Variants in CCBE1 observed in about 807,000 individuals in gnomAD.
CCBE1 encodes the protein collagen and calcium-binding EGF domain-containing protein 1.
A neutral mutation model predicts 50.0 loss-of-function variants in CCBE1; 37 were observed. That is an observed-to-expected ratio of 0.74 (90% CI 0.57 to 0.97). The LOEUF (loss-of-function observed/expected upper bound fraction) is 0.97. Among genes scored for constraint, CCBE1 ranks in the 50% least tolerant of loss-of-function variants. The pLI, the probability that CCBE1 is intolerant of heterozygous loss-of-function variation, is 0.00. For missense variants in CCBE1, 538 were observed against 523.8 expected, an observed-to-expected ratio of 1.03 and a Z score of -0.26; for synonymous variants, 234 against 203.7, an observed-to-expected ratio of 1.15 and a Z score of -1.27.
chr18:59,450,762 T>G (rs543177689), intron 6 of CCBE1, among the ~76,000 whole-genome samples: 3 of 152,388 alleles, frequency 2.0e-5, no homozygotes, highest in African/African-American at 7.2e-5. Flanking sequence ...CTGTATCTCT[T>G]GACCTCAAGT....
intron 2 of CCBE1, among the ~76,000 whole-genome samples, chr18:59,555,784 C>A (rs116218534): frequency 2.0e-5 from 3 of 152,082 alleles, no homozygotes; most frequent in Non-Finnish European, 4.4e-5. Context: ...CATAAGAATG[C>A]CAACAGCCCT....
intron 2 of CCBE1, among the ~76,000 whole-genome samples, chr18:59,659,149 C>A (rs1399405658): frequency 4.6e-5 from 7 of 152,172 alleles, no homozygotes; most frequent in Non-Finnish European, 8.8e-5. Flanking sequence ...ATAATGACTA[C>A]AAGTACTCTG....
chr18:59,668,342 G>A (rs541583649), intron 2 of CCBE1, among the ~76,000 whole-genome samples: 4 of 151,970 alleles, frequency 2.6e-5, no homozygotes, highest in East Asian at 1.9e-4. Flanking sequence ...CCTGTTACCT[G>A]GGAGGCAGAG....
chr18:59,431,888 T>C lies in CCBE1; in HGVS notation c.*4020A>G, dbSNP rs1909957576. 1 of 152,186 alleles carries C rather than the reference T, an allele frequency of 6.6e-6. No individual in the cohort carries two copies. Among genetic ancestry groups the C allele is most frequent in the Non-Finnish European group, 1.5e-5 (1 of 68,058 alleles). The allele number at this position is 152,186 out of a possible 1,614,324, so 9.4% of individuals were successfully genotyped here. ...CCACTCACTTTTGGCACAGTATAGC[T>C]TATAATTTCTCCCTCTGGAACTGGG... On this transcript the variant is annotated 3_prime_UTR_variant, in exon 11 of 11. Transcript: ENST00000439986.
chr18:59,572,553 CAG>C (rs1312550744), intron 2 of CCBE1, among the ~76,000 whole-genome samples: 4 of 152,198 alleles, frequency 2.6e-5, no homozygotes, highest in Non-Finnish European at 5.9e-5. Context: ...TCCTCTATCA[CAG>C]TTTTATATCA....
rs28704056 is a variant in CCBE1 at position 59,567,615 on chromosome 18, A to T, written c.213-87377T>A. ...AAGTGGATCGGGTTTTAATGTAGCA[A>T]TTCTATCAGTGACCCATGCTCTGCT... On this transcript the variant is annotated intron_variant, in intron 2 of 10. Coordinates refer to ENST00000439986, the MANE Select transcript of CCBE1 (RefSeq NM_133459.4). Among the ~76,000 whole-genome samples, 1,394 of 152,236 alleles carry T rather than the reference A, an allele frequency of 9.2e-3. 26 individuals carry two copies. The highest frequency in any genetic ancestry group is 0.033 in the African/African-American group (1,353 of 41,546).
intron 2 of CCBE1, among the ~76,000 whole-genome samples, chr18:59,559,428 T>C (rs1204657522): frequency 6.6e-6 from 1 of 152,234 alleles, no homozygotes; most frequent in Non-Finnish European, 1.5e-5. Context: ...GCATACTTCC[T>C]GTGGTGCCCG....
chr18:59,503,244 G>A (rs555959617), intron 2 of CCBE1, among the ~76,000 whole-genome samples: 50 of 152,286 alleles, frequency 3.3e-4, no homozygotes, highest in African/African-American at 1.2e-3. Flanking sequence ...AGAAATCTGG[G>A]GACAGTTCCG....
intron 2 of CCBE1, among the ~76,000 whole-genome samples, chr18:59,591,107 G>T (rs1268551293): frequency 1.1e-5 from 1 of 88,666 alleles, no homozygotes; most frequent in African/African-American, 7.2e-5. Context: ...TTAGCCGGGC[G>T]TGATGGTGGG....
At chr18:59,697,612 CAAGT>C, upstream of CCBE1, 1 of 471,192 alleles carries the variant, frequency 2.1e-6, no homozygotes, top group Non-Finnish European at 3.8e-6. Context: ...CCCTGAGGTT[CAAGT>C]TGTCTCGTCG....
chr18:59,457,072 G>A (rs1911228355), intron 5 of CCBE1, among the ~76,000 whole-genome samples: 1 of 152,206 alleles, frequency 6.6e-6, no homozygotes, highest in South Asian at 2.1e-4. Flanking sequence ...TCTTTAGGCA[G>A]GTTTTGAATG....
chr18:59,646,213 C>T (rs1029006253), intron 2 of CCBE1, among the ~76,000 whole-genome samples: 1 of 152,108 alleles, frequency 6.6e-6, no homozygotes, highest in Non-Finnish European at 1.5e-5. Context: ...GCATAGGAAA[C>T]TACGCATGGA....
chr18:59,476,872 T>TGAA (rs1386192054), intron 3 of CCBE1, among the ~76,000 whole-genome samples: 10 of 152,312 alleles, frequency 6.6e-5, no homozygotes, highest in Non-Finnish European at 5.9e-5. Context: ...GTATGGTTTG[T>TGAA]CCCATAACCA....
intron 2 of CCBE1, among the ~76,000 whole-genome samples, chr18:59,578,943 T>C (rs1034558097): frequency 2.6e-5 from 4 of 152,120 alleles, no homozygotes. Context: ...GGACTTAAGG[T>C]ATAATAATTT....
At chr18:59,463,228 T>C (rs778842306) in intron 5 of CCBE1, among the ~76,000 whole-genome samples, 27 of 152,158 alleles carry the variant, frequency 1.8e-4, no homozygotes, top group Non-Finnish European at 3.7e-4. Context: ...CTGCTGAAGG[T>C]TGGAGGCACA....
chr18:59,458,372 C>A (rs1195924431), intron 5 of CCBE1, among the ~76,000 whole-genome samples: 1 of 151,102 alleles, frequency 6.6e-6, no homozygotes, highest in Non-Finnish European at 1.5e-5. Context: ...GAATCTAGCC[C>A]TGTTGGCAGA....
chr18:59,667,381 G>C (rs767798070), intron 2 of CCBE1, among the ~76,000 whole-genome samples: 2 of 152,256 alleles, frequency 1.3e-5, no homozygotes, highest in Non-Finnish European at 2.9e-5. Flanking sequence ...GGGCCAAGGA[G>C]GAAGGTTTTG....
intron 2 of CCBE1, among the ~76,000 whole-genome samples, chr18:59,550,717 C>A (rs1404266010): frequency 6.6e-6 from 1 of 152,098 alleles, no homozygotes; most frequent in Non-Finnish European, 1.5e-5. Flanking sequence ...CATTTTCCAA[C>A]TCATGGAGAC....
chr18:59,654,190 A>T (rs890534687), intron 2 of CCBE1, among the ~76,000 whole-genome samples: 12 of 152,238 alleles, frequency 7.9e-5, no homozygotes, highest in Non-Finnish European at 1.8e-4. Context: ...TTGATCACAG[A>T]TCATTTCTCT....
Sources: allele counts gnomAD v4.1 joint callset (sites outside exome capture counted in the v4.1 genomes callset), GRCh38; gene constraint gnomAD v4.1.1; transcripts MANE v1.5; gene names NCBI Gene and HGNC (gene_info 2026-07-23, HGNC 2026-07-21).